OR6Y1: variants seen among roughly 807,000 people sequenced by gnomAD.
OR6Y1 encodes olfactory receptor 6Y1.
A neutral mutation model predicts 0.4 loss-of-function variants in OR6Y1; 1 was observed. That is an observed-to-expected ratio of 2.74 (90% CI 0.97 to 13.02). The LOEUF (loss-of-function observed/expected upper bound fraction) is 13.02. OR6Y1 is among the 30% of genes most tolerant of loss of function. The pLI is 0.12. For synonymous variants in OR6Y1, 173 were observed against 141.1 expected (o/e 1.23, Z -1.60); for missense variants, 480 against 399.8 (o/e 1.20, Z -1.71).
intron 1 of OR6Y1, among the ~76,000 whole-genome samples, chr1:158,550,671 T>A (rs747249191): frequency 6.6e-6 from 1 of 151,718 alleles, no homozygotes; most frequent in Non-Finnish European, 1.5e-5. Context: ...GTAGATATAG[T>A]AAGGTGTCTA....
Position 158,552,727 on chromosome 1 carries a change from C to T in OR6Y1, c.-1433+1539G>A, listed in dbSNP as rs139286549. Among the ~76,000 whole-genome samples the T allele has an allele frequency of 1.4e-3, 207 of 152,156 alleles. 1 individual carries two copies. The highest frequency in any genetic ancestry group is 4.7e-3 in the African/African-American group (197 of 41,516). On this transcript the variant is annotated intron_variant, in intron 1 of 1. Transcript: ENST00000641622. ...GGAACATAGGTAGTGAAAGAAGTAA[C>T]AAAGCAATCACTTGTGCTCAATCTA...
At position 158,548,268 on chromosome 1, in the gene OR6Y1, T is replaced by C. The variant is rs922031718; in HGVS notation, c.-163A>G. ...GAATTATGAAGAGAACCAAAGCTTT[T>C]GAGAAAAGATGGAATTTAGGGAGCT... On this transcript the variant is annotated 5_prime_UTR_variant, in exon 2 of 2. Transcript: ENST00000641622. The C allele has an allele frequency of 2.5e-5, 16 of 644,648 alleles. No individual in the cohort carries two copies. The Admixed American group carries it at 2.5e-4, about 10-fold the overall frequency. The allele number at this position is 644,648 out of a possible 1,614,324, so 39.9% of individuals were successfully genotyped here. A position where few individuals can be genotyped will look rare whatever the true frequency, so the allele number is the denominator to read the frequency against.
In OR6Y1 at chr1:158,547,677, G is replaced by C. The variant is rs146963235; in HGVS notation, c.429C>G (p.Asn143Lys). 2.9e-4 allele frequency: 470 copies of C among 1,613,480 alleles called. No individual in the cohort carries two copies. The highest frequency in any genetic ancestry group is 3.8e-4 in the Non-Finnish European group (444 of 1,180,006). Residue 143 changes from asparagine (N) to lysine (K), a missense_variant, in exon 2 of 2, where the codon AAC (asparagine) becomes AAG (lysine). By Grantham distance (94) the Asn-to-Lys change is moderately conservative (BLOSUM62 0). Transcript: ENST00000641622. ...CTCCAGCCAGTGTGCCACAGAGCTG[G>C]TTGGTCATGATGACTGGGTAGCGTA... Reference protein sequence around the residue: ...NPLRYPVIMTNQLCGTLAGGC... With the variant: ...NPLRYPVIMTKQLCGTLAGGC...
At chr1:158,552,224 A>G (rs1647720065) in intron 1 of OR6Y1, among the ~76,000 whole-genome samples, 1 of 136,662 alleles carries the variant, frequency 7.3e-6, no homozygotes, top group Non-Finnish European at 1.6e-5. Context: ...ATATGTATGT[A>G]TGGAGATATA....
rs977014032 is a variant in OR6Y1, at chr1:158,546,225, C to T, written c.*903G>A. On this transcript the variant is annotated 3_prime_UTR_variant, in exon 2 of 2. Transcript: ENST00000641622. ...CTCGATTACCACTATAAAAACCCTA[C>T]TTTCAAATATGGTCACATTCTGAGA... 6.6e-6 allele frequency: 1 copy of T among 152,164 alleles called. No homozygotes were observed. The highest frequency in any genetic ancestry group is 6.6e-5 in the Admixed American group (1 of 15,264). 9.4% of individuals were successfully genotyped at this position (152,164 alleles called of 1,614,324 possible).
Position 158,547,636 on chromosome 1 carries a change from C to A in OR6Y1, c.470G>T (p.Gly157Val), listed in dbSNP as rs1384504336. 1 of 1,613,176 alleles carries A rather than the reference C, an allele frequency of 6.2e-7. No homozygotes were observed. The highest frequency in any genetic ancestry group is 1.7e-5 in the Admixed American group (1 of 59,898). Residue 157 changes from glycine (G) to valine (V), a missense_variant, in exon 2 of 2, where the codon GGA becomes GTA. Transcript: ENST00000641622. ...CATCTTAATCATGGCAGTCATGAGTCCACAGAACCAGCATCCTCCAGCCAG... is the reference window on the plus strand; with the variant it reads ...CATCTTAATCATGGCAGTCATGAGTACACAGAACCAGCATCCTCCAGCCAG... The part of the protein sequence containing the change: ...GTLAGGCWFC[G>V]LMTAMIKMVF...
At chr1:158,552,319 A>C (rs1018590839) in intron 1 of OR6Y1, among the ~76,000 whole-genome samples, 4 of 151,304 alleles carry the variant, frequency 2.6e-5, no homozygotes, top group African/African-American at 9.7e-5. Flanking sequence ...ATTCCAGCTT[A>C]ACTGGGACAT....
In OR6Y1 at chr1:158,547,317, G is replaced by A; in HGVS notation, c.789C>T (p.Thr263=). ...CATACATGAGTTTGGGACGGGCATA[G>A]GTGAAAAGTGTCATGGAATAGAAGA... ...VILFYSMTLF[T]YARPKLMYAY... The change falls in exon 2 of 2, where the codon ACC becomes ACT. Residue 263 remains threonine, a synonymous_variant. Transcript: ENST00000641622. 1 of 1,613,580 alleles carries A rather than the reference G, an allele frequency of 6.2e-7. No individual in the cohort carries two copies. The highest frequency in any genetic ancestry group is 8.5e-7 in the Non-Finnish European group (1 of 1,179,962).
chr1:158,549,864 C>A (rs1380927054), intron 1 of OR6Y1, among the ~76,000 whole-genome samples: 2 of 151,740 alleles, frequency 1.3e-5, no homozygotes, highest in African/African-American at 4.9e-5. Flanking sequence ...TTCAAACCAA[C>A]TTAAAATCTA....
intron 1 of OR6Y1, among the ~76,000 whole-genome samples, chr1:158,550,912 T>A (rs1647686104): frequency 6.6e-6 from 1 of 151,894 alleles, no homozygotes; most frequent in African/African-American, 2.4e-5. Context: ...TGAAAGCACA[T>A]TCACATCATT....
rs539599244 is a variant in OR6Y1 at position 158,545,579 on chromosome 1, C to T, written c.*1549G>A. The T allele has an allele frequency of 1.3e-5, 2 of 152,118 alleles. No individual in the cohort carries two copies. The highest frequency in any genetic ancestry group is 2.1e-4 in the South Asian group (1 of 4,806). The allele number at this position is 152,118 out of a possible 1,614,324, so 9.4% of individuals were successfully genotyped here. A position where few individuals can be genotyped will look rare whatever the true frequency, so the allele number is the denominator to read the frequency against. ...CTTTTTTTCATATGATTGTTGGCTG[C>T]ATGTATGTTTTCTTTTGAAAAGTGT... On this transcript the variant is annotated 3_prime_UTR_variant, in exon 2 of 2. Transcript: ENST00000641622.
Position 158,545,659 on chromosome 1 carries a change from A to G in OR6Y1, c.*1469T>C, listed in dbSNP as rs933121517. 5 of 151,984 alleles carry G rather than the reference A, an allele frequency of 3.3e-5. No homozygotes were observed. The highest frequency in any genetic ancestry group is 5.9e-5 in the Non-Finnish European group (4 of 67,996). The allele number at this position is 151,984 out of a possible 1,614,324, so 9.4% of individuals were successfully genotyped here. On this transcript the variant is annotated 3_prime_UTR_variant, in exon 2 of 2. Coordinates refer to ENST00000641622, the MANE Select transcript of OR6Y1 (RefSeq NM_001005189.2). ...GGAGTTGTTTGTTTTCATCTTGTAAATATGTTTAAGTTCCTTATAGATGCT... is the reference window on the plus strand; with the variant it reads ...GGAGTTGTTTGTTTTCATCTTGTAAGTATGTTTAAGTTCCTTATAGATGCT...
At position 158,545,906 on chromosome 1, in the gene OR6Y1, T is replaced by G. The variant is rs1425281881; in HGVS notation, c.*1222A>C. On this transcript the variant is annotated 3_prime_UTR_variant, in exon 2 of 2. Transcript: ENST00000641622. ...GCTGCCATTAAAAAGTACCAAATAC[T>G]GTCTCAGTATTTTTGATCTTAGGAA... 6.6e-6 allele frequency: 1 copy of G among 152,204 alleles called. No individual in the cohort carries two copies. The highest frequency in any genetic ancestry group is 1.5e-5 in the Non-Finnish European group (1 of 68,028). The allele number at this position is 152,204 out of a possible 1,614,324, so 9.4% of individuals were successfully genotyped here. A position where few individuals can be genotyped will look rare whatever the true frequency, so the allele number is the denominator to read the frequency against.
At position 158,547,043 on chromosome 1, in the gene OR6Y1, T is replaced by G. The variant is rs563533713; in HGVS notation, c.*85A>C. 25 of 1,329,246 alleles carry G rather than the reference T, an allele frequency of 1.9e-5. No homozygotes were observed. The East Asian group carries it at 5.7e-4, about 31-fold the overall frequency. The allele number at this position is 1,329,246 out of a possible 1,614,324, so 82.3% of individuals were successfully genotyped here. ...AGAGCAGTGTTACAGTACTGGAGAT[T>G]GGGGGATAACCAAAGACAAGACTGA... On this transcript the variant is annotated 3_prime_UTR_variant, in exon 2 of 2. Transcript: ENST00000641622.
At chr1:158,552,360 A>C (rs1647726203) in intron 1 of OR6Y1, among the ~76,000 whole-genome samples, 1 of 151,812 alleles carries the variant, frequency 6.6e-6, no homozygotes, top group Non-Finnish European at 1.5e-5. Context: ...CAGGCTATGG[A>C]AAATACAATT....
In OR6Y1 at chr1:158,554,190, C is replaced by T. The variant is rs1647775360; in HGVS notation, c.-1433+76G>A. ...TTTATCTTCCATTATTCCCTACTTT[C>T]CTTCATAAAAATAAATAATTAAAAG... is the stretch of plus-strand genomic sequence containing the variant. On this transcript the variant is annotated intron_variant, in intron 1 of 1. Transcript: ENST00000641622. 2.0e-5 allele frequency: 3 copies of T among 152,272 alleles called. No individual in the cohort carries two copies. In the South Asian group the frequency reaches 6.2e-4, roughly 32 times the overall value. The allele number at this position is 152,272 out of a possible 1,614,324, so 9.4% of individuals were successfully genotyped here. A position where few individuals can be genotyped will look rare whatever the true frequency, so the allele number is the denominator to read the frequency against.
rs1405343618 is a variant in OR6Y1, at chr1:158,544,604, T to G, written c.*2524A>C. 1 of 152,268 alleles carries G rather than the reference T, an allele frequency of 6.6e-6. No homozygotes were observed. Among genetic ancestry groups the G allele is most frequent in the Admixed American group, 6.5e-5 (1 of 15,298 alleles). The allele number at this position is 152,268 out of a possible 1,614,324, so 9.4% of individuals were successfully genotyped here. On this transcript the variant is annotated 3_prime_UTR_variant, in exon 2 of 2. Coordinates refer to ENST00000641622, the MANE Select transcript of OR6Y1 (RefSeq NM_001005189.2). ...TTATTATATAGGTAATCTTGTATTATGGGGGTTTGTTGTACAGATTATTTT... is the reference window on the plus strand; with the variant it reads ...TTATTATATAGGTAATCTTGTATTAGGGGGGTTTGTTGTACAGATTATTTT...
At position 158,544,879 on chromosome 1, in the gene OR6Y1, T is replaced by C. The variant is rs1245829008; in HGVS notation, c.*2249A>G. 2.0e-5 allele frequency: 3 copies of C among 152,168 alleles called. No individual in the cohort carries two copies. The highest frequency in any genetic ancestry group is 2.9e-5 in the Non-Finnish European group (2 of 68,046). 9.4% of individuals were successfully genotyped at this position (152,168 alleles called of 1,614,324 possible). On this transcript the variant is annotated 3_prime_UTR_variant, in exon 2 of 2. Coordinates refer to ENST00000641622, the MANE Select transcript of OR6Y1 (RefSeq NM_001005189.2). ...AAGGACATGATCTAATTTTTTTTTA[T>C]GGCTGCATAGTATTTCATGTTGTAT...
chr1:158,553,492 G>T (rs1448076679), intron 1 of OR6Y1, among the ~76,000 whole-genome samples: 1 of 151,940 alleles, frequency 6.6e-6, no homozygotes, highest in Non-Finnish European at 1.5e-5. Context: ...TCTGATCATG[G>T]TTCATTATAT....
Sources: allele counts gnomAD v4.1 joint callset (sites outside exome capture counted in the v4.1 genomes callset), GRCh38; gene constraint gnomAD v4.1.1; transcripts MANE v1.5; gene names NCBI Gene and HGNC (gene_info 2026-07-23, HGNC 2026-07-21).